INO80C: variants seen among roughly 807,000 people sequenced by gnomAD.
The protein encoded by INO80C is IES6 homolog.
Under a neutral mutation model 17.7 loss-of-function variants are expected in INO80C, and 17 were observed. The ratio of observed to expected loss-of-function variants is 0.96; its 90% CI spans 0.66 to 1.44. The LOEUF (loss-of-function observed/expected upper bound fraction) is 1.44. Among genes scored for constraint, INO80C ranks in the 40% most tolerant of loss-of-function variants. The pLI is 0.00. For synonymous variants in INO80C, 96 were observed against 95.8 expected, an observed-to-expected ratio of 1.00 and a Z score of -0.01; for missense variants, 244 against 245.0, an observed-to-expected ratio of 1.00 and a Z score of 0.03.
At chr18:35,495,774 A>G (rs1285123951) in intron 1 of INO80C, among the ~76,000 whole-genome samples, 1 of 152,236 alleles carries the variant, frequency 6.6e-6, no homozygotes, top group African/African-American at 2.4e-5. Flanking sequence ...CATCTGGCAA[A>G]GGAGTCTAAT....
intron 4 of INO80C, among the ~76,000 whole-genome samples, chr18:35,477,996 TA>T (rs1450144546): frequency 6.6e-6 from 1 of 152,142 alleles, no homozygotes; most frequent in Non-Finnish European, 1.5e-5. Flanking sequence ...ACTTCAGCAG[TA>T]AAAAAAGAAA....
At position 35,468,605 on chromosome 18, in the gene INO80C, T is replaced by C; in HGVS notation, c.*6A>G. On this transcript the variant is annotated 3_prime_UTR_variant, in exon 5 of 5. Transcript: ENST00000334598. Reference sequence around the variant, plus strand: ...CAGCTTTCCACTTCATCTCCCTTTCTGGGGCTCAGGGAACGATGCTCGTGG... The same window carrying C: ...CAGCTTTCCACTTCATCTCCCTTTCCGGGGCTCAGGGAACGATGCTCGTGG... The C allele has an allele frequency of 1.2e-6, 2 of 1,614,150 alleles. No individual in the cohort carries two copies. Among genetic ancestry groups the C allele is most frequent in the Non-Finnish European group, 1.7e-6 (2 of 1,180,006 alleles).
intron 4 of INO80C, among the ~76,000 whole-genome samples, chr18:35,469,570 G>T (rs1252631289): frequency 6.6e-6 from 1 of 152,032 alleles, no homozygotes; most frequent in East Asian, 1.9e-4. Flanking sequence ...CATTCTTCAG[G>T]ACTCGGCCCC....
intron 1 of INO80C, among the ~76,000 whole-genome samples, chr18:35,495,232 G>A (rs1243957082): frequency 6.6e-6 from 1 of 152,280 alleles, no homozygotes; most frequent in East Asian, 1.9e-4. Context: ...AGTTTGAGAC[G>A]AGCTTGGGTT....
chr18:35,497,683 G>A (rs1342998771), intron 1 of INO80C, 36 bp downstream of exon 1: 2 of 1,592,228 alleles, frequency 1.3e-6, no homozygotes, highest in Non-Finnish European at 1.7e-6. Context: ...CCCGTTTCGC[G>A]ACGCGCACGC....
chr18:35,482,626 C>A (rs1295542435), intron 1 of INO80C, among the ~76,000 whole-genome samples: 3 of 152,164 alleles, frequency 2.0e-5, no homozygotes, highest in African/African-American at 7.2e-5. Flanking sequence ...CTTCTAAGGT[C>A]TTTCTTAGCT....
At chr18:35,494,111 T>C (rs969426758) in intron 1 of INO80C, among the ~76,000 whole-genome samples, 1 of 152,226 alleles carries the variant, frequency 6.6e-6, no homozygotes, top group Non-Finnish European at 1.5e-5. Context: ...TCACCAGCAC[T>C]GAGGAATCAT....
intron 4 of INO80C, among the ~76,000 whole-genome samples, chr18:35,477,805 C>G (rs889332408): frequency 4.6e-5 from 7 of 152,184 alleles, no homozygotes; most frequent in Admixed American, 4.6e-4. Context: ...CATGGGACCA[C>G]AGCAGAAAGG....
chr18:35,474,960 T>C (rs2045717300), intron 4 of INO80C, among the ~76,000 whole-genome samples: 1 of 152,144 alleles, frequency 6.6e-6, no homozygotes, highest in Non-Finnish European at 1.5e-5. Flanking sequence ...TAGTTTAACA[T>C]GTGTGTAACT....
chr18:35,474,532 A>T (rs1379132040), intron 4 of INO80C, among the ~76,000 whole-genome samples: 1 of 151,568 alleles, frequency 6.6e-6, no homozygotes, highest in Non-Finnish European at 1.5e-5. Flanking sequence ...TATAAAAAAA[A>T]ATTTAAAAGC....
At chr18:35,473,530 C>T (rs775401331) in intron 4 of INO80C, among the ~76,000 whole-genome samples, 3 of 152,090 alleles carry the variant, frequency 2.0e-5, no homozygotes, top group Non-Finnish European at 4.4e-5. Flanking sequence ...TGGGATTCCA[C>T]GTGAGTCCAT....
chr18:35,489,235 G>A (rs1036563396), intron 1 of INO80C: 11 of 220,330 alleles, frequency 5.0e-5, no homozygotes, highest in Admixed American at 2.7e-4. Flanking sequence ...CCACTCTACC[G>A]GTACCAATTT....
intron 4 of INO80C, among the ~76,000 whole-genome samples, chr18:35,469,606 T>C (rs1280538772): frequency 6.6e-6 from 1 of 152,150 alleles, no homozygotes; most frequent in Non-Finnish European, 1.5e-5. Flanking sequence ...GGGAAGCCTA[T>C]TTGTACCCCC....
In INO80C at chr18:35,479,393, C is replaced by T. The variant is rs144430719; in HGVS notation, c.286G>A (p.Ala96Thr). The T allele has an allele frequency of 1.8e-5, 29 of 1,613,518 alleles. No homozygotes were observed. Among genetic ancestry groups the T allele is most frequent in the South Asian group, 1.3e-4 (12 of 91,062 alleles). ...PNFVHSGHGG[A>T]VAGKKNRTWK... ...GTTCTGTTCTTCTTGCCAGCTACTG[C>T]GCCACCGTGGCCAGAGTGCTTGAAT... Residue 96 changes from alanine (A) to threonine (T), a missense_variant, in exon 3 of 5, where the codon GCA becomes ACA. Coordinates refer to ENST00000334598, the MANE Select transcript of INO80C (RefSeq NM_194281.4).
chr18:35,474,207 C>CTATATATATATA (rs58465669), intron 4 of INO80C, among the ~76,000 whole-genome samples: 821 of 58,006 alleles, frequency 0.014, 77 homozygotes, highest in Non-Finnish European at 0.018. Flanking sequence ...GTGTGTGTGT[C>CTATATATATATA]TATATATATA....
intron 4 of INO80C, among the ~76,000 whole-genome samples, chr18:35,475,370 CA>C (rs1420144927): frequency 6.6e-6 from 1 of 152,098 alleles, no homozygotes; most frequent in African/African-American, 2.4e-5. Flanking sequence ...AAATATCATT[CA>C]AAAAGGAAGA....
chr18:35,471,326 T>C (rs1272722484), intron 4 of INO80C, among the ~76,000 whole-genome samples: 2 of 152,232 alleles, frequency 1.3e-5, no homozygotes, highest in South Asian at 2.1e-4. Context: ...ACTTTTTATG[T>C]CTACCCCTAT....
intron 2 of INO80C, among the ~76,000 whole-genome samples, 172 bp from the exon 3 acceptor site, chr18:35,479,583 T>C (rs1318191115): frequency 6.6e-6 from 1 of 152,146 alleles, no homozygotes; most frequent in Non-Finnish European, 1.5e-5. Flanking sequence ...AACATGTTAA[T>C]CTTAGTTTAA....
chr18:35,497,728 G>C lies in INO80C; in HGVS notation c.147C>G (p.Ser49Arg). The C allele has an allele frequency of 1.2e-6, 2 of 1,612,226 alleles. No individual in the cohort carries two copies. The highest frequency in any genetic ancestry group is 1.7e-6 in the Non-Finnish European group (2 of 1,179,420). ...ASKKKKASASSFAQGISMEAM... is the reference protein window; with the variant it reads ...ASKKKKASASRFAQGISMEAM... ...GAGCGCGACTGCGTACCTGCGCAAA[G>C]CTGGAAGCGGACGCTTTTTTCTTCT... The change falls in exon 1 of 5, where the codon AGC (serine) becomes AGG (arginine). Residue 49 changes from serine (S) to arginine (R), a missense_variant. Transcript: ENST00000334598.
Sources: allele counts gnomAD v4.1 joint callset (sites outside exome capture counted in the v4.1 genomes callset), GRCh38; gene constraint gnomAD v4.1.1; transcripts MANE v1.5; gene names NCBI Gene and HGNC (gene_info 2026-07-23, HGNC 2026-07-21).